The following OLFM3 variants were observed in gnomAD, a reference collection of about 807,000 sequenced individuals.
OLFM3 encodes the protein olfactomedin 3, also known as noelin-3.
OLFM3 carries 20 observed loss-of-function variants against 48.6 expected under a neutral mutation model. The ratio of observed to expected loss-of-function variants is 0.41; its 90% confidence interval spans 0.29 to 0.60. The LOEUF (loss-of-function observed/expected upper bound fraction) is 0.60. Ranked by LOEUF, OLFM3 falls within the 20% of genes least tolerant of loss-of-function variation. The probability of loss-of-function intolerance (pLI) is 0.28; values close to 1 mark genes in which losing one functional copy is unlikely to be tolerated. For synonymous variants in OLFM3, 222 were observed against 198.1 expected (o/e 1.12, Z -1.01); for missense variants, 437 against 544.3 (o/e 0.80, Z 1.96).
chr1:101,813,112 C>G, intron 4 of OLFM3: 1 of 1,289,782 alleles, frequency 7.8e-7, no homozygotes, highest in Non-Finnish European at 1.0e-6. Flanking sequence ...CTTTCTGTTG[C>G]CTTTTTTCTT....
intron 1 of OLFM3, among the ~76,000 whole-genome samples, chr1:101,904,767 A>G (rs966603137): frequency 6.6e-6 from 1 of 152,088 alleles, no homozygotes; most frequent in Non-Finnish European, 1.5e-5. Context: ...ACTGAGAATA[A>G]CTCTTACAAT....
intron 1 of OLFM3, among the ~76,000 whole-genome samples, chr1:101,865,357 T>C (rs1656819962): frequency 6.6e-6 from 1 of 152,216 alleles, no homozygotes; most frequent in Non-Finnish European, 1.5e-5. Flanking sequence ...TACCTTCCAA[T>C]AAGGCTAAGC....
chr1:101,834,252 G>A lies in OLFM3; in HGVS notation c.216+2627C>T, dbSNP rs148315708. Among the ~76,000 whole-genome samples the A allele has an allele frequency of 4.6e-3, 697 of 152,178 alleles. 11 individuals carry two copies. Among genetic ancestry groups the A allele is most frequent in the African/African-American group, 0.016 (672 of 41,524 alleles). ...CTTACTGATTGAGTGACAATGGAAA[G>A]TTTTCAACCTAAAAACCACCAGTTT... On this transcript the variant is annotated intron_variant, in intron 2 of 5. Transcript: ENST00000370103.
At chr1:101,822,827 C>T (rs747757217) in intron 4 of OLFM3, among the ~76,000 whole-genome samples, 10 of 149,926 alleles carry the variant, frequency 6.7e-5, no homozygotes, top group Non-Finnish European at 1.5e-4. Context: ...GCAATGTTTA[C>T]CTATTGTATA....
At chr1:101,934,502 G>A (rs1184438232) in intron 1 of OLFM3, among the ~76,000 whole-genome samples, 1 of 152,060 alleles carries the variant, frequency 6.6e-6, no homozygotes, top group African/African-American at 2.4e-5. Flanking sequence ...AAGAGACTAA[G>A]ATAACTATAG....
chr1:101,948,961 G>A (rs1019363807), intron 1 of OLFM3, among the ~76,000 whole-genome samples: 14 of 150,340 alleles, frequency 9.3e-5, no homozygotes, highest in African/African-American at 2.4e-4. Context: ...TGCCATTTTC[G>A]CACAAACTAT....
At chr1:101,975,457 G>A (rs1478399645) in intron 1 of OLFM3, among the ~76,000 whole-genome samples, 1 of 151,802 alleles carries the variant, frequency 6.6e-6, no homozygotes, top group Admixed American at 6.6e-5. Flanking sequence ...CTTTTTTTGC[G>A]GCGGGTAGAG....
intron 4 of OLFM3, among the ~76,000 whole-genome samples, chr1:101,814,591 A>C (rs189551178): frequency 1.3e-5 from 2 of 152,230 alleles, no homozygotes; most frequent in African/African-American, 2.4e-5. Flanking sequence ...TTACTGGAGC[A>C]GTTGTTTAGT....
intron 1 of OLFM3, among the ~76,000 whole-genome samples, chr1:101,858,208 A>C (rs1169149681): frequency 1.3e-5 from 2 of 152,108 alleles, no homozygotes; most frequent in Non-Finnish European, 2.9e-5. Context: ...TATGTGTACT[A>C]ATATCTATTA....
At chr1:101,916,509 C>A (rs1460338280) in intron 1 of OLFM3, among the ~76,000 whole-genome samples, 1 of 151,926 alleles carries the variant, frequency 6.6e-6, no homozygotes, top group Non-Finnish European at 1.5e-5. Context: ...GCTGAATTTT[C>A]AATTTTTGTG....
chr1:101,857,420 A>G (rs1656471107), intron 1 of OLFM3, among the ~76,000 whole-genome samples: 1 of 152,004 alleles, frequency 6.6e-6, no homozygotes, highest in African/African-American at 2.4e-5. Context: ...ATAATGAGTC[A>G]TAATGTACAG....
At chr1:101,958,126 G>A (rs1192208219) in intron 1 of OLFM3, among the ~76,000 whole-genome samples, 1 of 151,998 alleles carries the variant, frequency 6.6e-6, no homozygotes, top group African/African-American at 2.4e-5. Context: ...CAATTTCCCT[G>A]AAACATTGAA....
intron 1 of OLFM3, among the ~76,000 whole-genome samples, chr1:101,905,999 C>T (rs1658538234): frequency 6.6e-6 from 1 of 152,096 alleles, no homozygotes. Flanking sequence ...AACTCATTTT[C>T]TCACATCTCT....
intron 1 of OLFM3, among the ~76,000 whole-genome samples, chr1:101,923,814 G>T (rs1345211850): frequency 6.6e-6 from 1 of 151,930 alleles, no homozygotes; most frequent in Admixed American, 6.6e-5. Context: ...AATAGGTTGG[G>T]ACTGTGTTTT....
intron 1 of OLFM3, among the ~76,000 whole-genome samples, chr1:101,839,912 A>C (rs540525828): frequency 4.5e-4 from 69 of 152,234 alleles, no homozygotes; most frequent in Non-Finnish European, 8.1e-4. Context: ...TTAAACTATA[A>C]AAAGCCAGCT....
At chr1:101,910,479 A>AG in intron 1 of OLFM3, among the ~76,000 whole-genome samples, 1 of 149,516 alleles carries the variant, frequency 6.7e-6, no homozygotes, top group East Asian at 2.0e-4. Flanking sequence ...TGAAAAAAAA[A>AG]AAAAAGAAAG....
intron 1 of OLFM3, among the ~76,000 whole-genome samples, chr1:101,990,989 T>TAAAAAAAAAAAAA (rs58481588): frequency 1.1e-4 from 1 of 8,902 alleles, no homozygotes; most frequent in Non-Finnish European, 2.5e-4. Flanking sequence ...TGTCAAAAAG[T>TAAAAAAAAAAAAA]AAAAAAAAAA....
intron 1 of OLFM3, among the ~76,000 whole-genome samples, chr1:101,875,206 TG>T (rs1657250359): frequency 6.6e-6 from 1 of 151,980 alleles, no homozygotes; most frequent in Admixed American, 6.6e-5. Flanking sequence ...GTGAGCAATC[TG>T]AAAAAACAAT....
At chr1:101,844,526 G>T (rs191907747) in intron 1 of OLFM3, among the ~76,000 whole-genome samples, 2 of 152,170 alleles carry the variant, frequency 1.3e-5, no homozygotes, top group Non-Finnish European at 2.9e-5. Context: ...CCAAATGGGG[G>T]AAATCTGATT....
Sources: allele counts gnomAD v4.1 joint callset (sites outside exome capture counted in the v4.1 genomes callset), GRCh38; gene constraint gnomAD v4.1.1; transcripts MANE v1.5; gene names NCBI Gene and HGNC (gene_info 2026-07-23, HGNC 2026-07-21).